Variants in ZNF536 observed in about 807,000 individuals in gnomAD.
The protein encoded by ZNF536 is zinc finger protein 536.
ZNF536 carries 13 observed loss-of-function variants against 84.5 expected under a neutral mutation model. The ratio of observed to expected loss-of-function variants is 0.15; its 90% CI spans 0.10 to 0.24. The LOEUF is 0.24. Ranked by LOEUF, ZNF536 falls within the 10% of genes least tolerant of loss-of-function variation. The pLI, the probability that ZNF536 is intolerant of heterozygous loss-of-function variation, is 1.00. For missense variants in ZNF536, 1,536 were observed against 1,747.5 expected (o/e 0.88, Z 2.16); for synonymous variants, 811 against 742.5 (o/e 1.09, Z -1.50).
chr19:30,551,024 T>C (rs187880147), intron 4 of ZNF536, among the ~76,000 whole-genome samples: 6,242 of 140,056 alleles, frequency 0.045, 178 homozygotes, highest in South Asian at 0.12. Context: ...TTTTTTCCCC[T>C]TTTTTTTTTA....
chr19:30,490,632 C>T (rs1481929572), intron 2 of ZNF536, among the ~76,000 whole-genome samples: 1 of 152,152 alleles, frequency 6.6e-6, no homozygotes, highest in African/African-American at 2.4e-5. Context: ...ACTCACTCTT[C>T]CTGTAAGCAG....
chr19:30,561,797 G>A (rs191742745), downstream of ZNF536, among the ~76,000 whole-genome samples: 59 of 152,286 alleles, frequency 3.9e-4, no homozygotes, highest in African/African-American at 1.4e-3. Context: ...TTCCCATAGT[G>A]AGAGAAAGCC....
intron 1 of ZNF536, among the ~76,000 whole-genome samples, chr19:30,578,216 A>G (rs1401040654): frequency 6.6e-6 from 1 of 152,218 alleles, no homozygotes; most frequent in Non-Finnish European, 1.5e-5. Flanking sequence ...TCAGCCCGGC[A>G]ATTTCAGATT....
At chr19:30,498,583 C>T (rs1599594050) in intron 2 of ZNF536, among the ~76,000 whole-genome samples, 1 of 148,558 alleles carries the variant, frequency 6.7e-6, no homozygotes, top group African/African-American at 2.6e-5. Context: ...TGCACATGTA[C>T]CCCCAGAATT....
rs1006523266 is a variant in ZNF536 at position 30,445,044 on chromosome 19, C to T, written c.1482C>T (p.Leu494=). 6.2e-7 allele frequency: 1 copy of T among 1,613,424 alleles called. No homozygotes were observed. The highest frequency in any genetic ancestry group is 1.1e-5 in the South Asian group (1 of 91,052). Residue 494 remains leucine, a synonymous_variant, in exon 2 of 5, where the codon CTC becomes CTT. Coordinates refer to ENST00000355537, the MANE Select transcript of ZNF536 (RefSeq NM_014717.3). This position sits in a 1 kb window ranked among gnomAD's most constrained non-coding sequence, Gnocchi z 4.5. ...ACTCCCTCCTGGGATGCCTCAATCT[C>T]GTGCCGCCGCTGAAATCCAGCTGCA... ...DKHSLLGCLN[L]VPPLKSSCIE...
intron 1 of ZNF536, among the ~76,000 whole-genome samples, chr19:30,621,471 C>CT (rs906762732): frequency 2.1e-4 from 32 of 152,186 alleles, no homozygotes; most frequent in African/African-American, 7.5e-4. Flanking sequence ...ATCAAGCATC[C>CT]TTTTTTTCTC....
At chr19:30,259,954 G>T (rs911924389) in intron 1 of ZNF536, among the ~76,000 whole-genome samples, 1 of 142,860 alleles carries the variant, frequency 7.0e-6, no homozygotes, top group South Asian at 2.2e-4. Context: ...TAGTAGAGAC[G>T]ATGTTTCACC....
intron 2 of ZNF536, among the ~76,000 whole-genome samples, chr19:30,479,461 G>A (rs1419113764): frequency 5.9e-5 from 9 of 152,232 alleles, no homozygotes; most frequent in African/African-American, 1.2e-4. Context: ...ACCCTAGGTC[G>A]TGGAAGGAGA....
chr19:30,305,412 G>C (rs1345901344), intron 2 of ZNF536, among the ~76,000 whole-genome samples: 1 of 152,200 alleles, frequency 6.6e-6, no homozygotes, highest in East Asian at 1.9e-4. Flanking sequence ...GGGGTGGAAA[G>C]TATTCTGTTA....
intron 3 of ZNF536, among the ~76,000 whole-genome samples, chr19:30,367,155 C>A (rs776486967): frequency 6.6e-6 from 1 of 152,226 alleles, no homozygotes; most frequent in Non-Finnish European, 1.5e-5. Flanking sequence ...AAAGTCTGAC[C>A]TCTCACCTCT....
Position 30,353,190 on chromosome 19 carries a change from C to G in ZNF536, c.-3+706C>G, listed in dbSNP as rs532807307. On this transcript the variant is annotated intron_variant, in intron 3 of 5. Transcript: ENST00000585628. ...AGATATTGGTTTATTAGCAATTGCA[C>G]AGGTGCCGGGTTCCGGTATTAAGAA... 2.2e-3 allele frequency among the ~76,000 whole-genome samples: 328 copies of G among 152,212 alleles called. 3 individuals carry two copies. Among genetic ancestry groups the G allele is most frequent in the African/African-American group, 7.7e-3 (320 of 41,520 alleles).
chr19:30,339,012 C>T (rs2047478415), intron 2 of ZNF536, among the ~76,000 whole-genome samples: 1 of 152,148 alleles, frequency 6.6e-6, no homozygotes, highest in African/African-American at 2.4e-5. Context: ...GGTCCCTCCT[C>T]TTCCTTCCCT....
intron 2 of ZNF536, among the ~76,000 whole-genome samples, chr19:30,299,007 AG>A (rs60668616): frequency 0.23 from 35,481 of 151,986 alleles, 5,065 homozygotes; most frequent in East Asian, 0.54. Context: ...TCCCTGCCAA[AG>A]GGGGGGCCTG....
intron 2 of ZNF536, among the ~76,000 whole-genome samples, chr19:30,350,681 G>A (rs1217655952): frequency 1.3e-5 from 2 of 152,220 alleles, no homozygotes; most frequent in Non-Finnish European, 2.9e-5. Flanking sequence ...TGTTGTGGCA[G>A]GAGGAGAGGG....
At chr19:30,477,755 AG>A (rs1277934822) in intron 2 of ZNF536, among the ~76,000 whole-genome samples, 1 of 152,212 alleles carries the variant, frequency 6.6e-6, no homozygotes, top group Non-Finnish European at 1.5e-5. Flanking sequence ...GCTTATCAGA[AG>A]AATAAAAGGA....
At chr19:30,581,827 G>A (rs1022707368) in intron 1 of ZNF536, among the ~76,000 whole-genome samples, 4 of 151,884 alleles carry the variant, frequency 2.6e-5, no homozygotes, top group African/African-American at 7.3e-5. Context: ...CCAGCTACTC[G>A]GGAAGCTGAG....
chr19:30,643,589 G>A (rs190638592), intron 1 of ZNF536, among the ~76,000 whole-genome samples: 14 of 152,072 alleles, frequency 9.2e-5, no homozygotes, highest in South Asian at 2.1e-4. Flanking sequence ...ACTTTTTAAC[G>A]CTTCGTTTTG....
In ZNF536 at chr19:30,512,006, C is replaced by T. The variant is rs868682863; in HGVS notation, c.2171-22841C>T. ...CCATACATTTACATTAAGTATAATT[C>T]GATGTATCATCTACGTGCAAACTTT... On this transcript the variant is annotated intron_variant, in intron 2 of 4. Transcript: ENST00000355537. Among the ~76,000 whole-genome samples, 13 of 152,202 alleles carry T rather than the reference C, an allele frequency of 8.5e-5. No individual in the cohort carries two copies. In the Middle Eastern group the frequency reaches 0.01, roughly 119 times the overall value.
chr19:30,255,069 C>A (rs1156982164), intron 1 of ZNF536, among the ~76,000 whole-genome samples: 1 of 152,138 alleles, frequency 6.6e-6, no homozygotes, highest in Admixed American at 6.5e-5. Context: ...TATTAATTCA[C>A]ATTATGAAAT....
Sources: gnomAD v4.1 joint callset for allele counts (sites outside exome capture counted in the v4.1 genomes callset) on GRCh38, gnomAD v4.1.1 for gene constraint, Gnocchi (gnomAD v3.1) non-coding constraint, MANE v1.5 for transcripts, NCBI Gene and HGNC (gene_info 2026-07-23, HGNC 2026-07-21) for gene names.